PIK3C2G: variants seen among roughly 807,000 people sequenced by gnomAD.
The protein encoded by PIK3C2G is phosphatidylinositol-4-phosphate 3-kinase catalytic subunit type 2 gamma.
In PIK3C2G, 168 loss-of-function variants were observed where a neutral mutation model predicts 181.1. The observed-to-expected ratio is 0.93, with a 90% CI of 0.82 to 1.05. PIK3C2G has a LOEUF of 1.05. Among genes scored for constraint, PIK3C2G ranks in the 50% least tolerant of loss-of-function variants. The pLI is 0.00. For missense variants in PIK3C2G, 1,869 were observed against 1,732.8 expected (o/e 1.08, Z -1.40); for synonymous variants, 573 against 592.2 (o/e 0.97, Z 0.47).
intron 25 of PIK3C2G, among the ~76,000 whole-genome samples, chr12:18,543,994 ACTAT>A (rs748144878): frequency 1.4e-4 from 22 of 151,916 alleles, no homozygotes; most frequent in Non-Finnish European, 3.2e-4. Context: ...AGCAATACGT[ACTAT>A]GAAAGAAGTA....
rs763621293 is a variant in PIK3C2G at position 18,282,477 on chromosome 12, A to G, written c.396A>G (p.Lys132=). ...KECSWGSPIG[K]HHGADDSRFS... Reference sequence around the variant, plus strand: ...GCTCCTGGGGAAGCCCCATAGGAAAACATCATGGTGCTGATGATTCCAGAT... The same window carrying G: ...GCTCCTGGGGAAGCCCCATAGGAAAGCATCATGGTGCTGATGATTCCAGAT... Residue 132 remains lysine (K), a synonymous_variant, in exon 2 of 33, where the codon AAA becomes AAG. Coordinates refer to ENST00000538779, the MANE Select transcript of PIK3C2G (RefSeq NM_001288772.2). 6.2e-7 allele frequency: 1 copy of G among 1,613,158 alleles called. No homozygotes were observed. Among genetic ancestry groups the G allele is most frequent in the East Asian group, 2.2e-5 (1 of 44,850 alleles).
intron 1 of PIK3C2G, among the ~76,000 whole-genome samples, chr12:18,270,889 A>C (rs1253665531): frequency 6.6e-6 from 1 of 152,222 alleles, no homozygotes; most frequent in Non-Finnish European, 1.5e-5. Flanking sequence ...TTCTCATAAA[A>C]GCAAGAAGAG....
intron 18 of PIK3C2G, among the ~76,000 whole-genome samples, chr12:18,465,765 G>T (rs1483586934): frequency 6.6e-6 from 1 of 151,590 alleles, no homozygotes; most frequent in Non-Finnish European, 1.5e-5. Context: ...TATTTATTCT[G>T]CATGGAAGTT....
At chr12:18,493,813 C>T (rs1940786068) in intron 20 of PIK3C2G, 1 of 152,198 alleles carries the variant, frequency 6.6e-6, no homozygotes, top group African/African-American at 2.4e-5. Context: ...AGGCAAAGAG[C>T]AAGGGGCTCA....
chr12:18,708,902 G>A, the PIK3C2G span, among the ~76,000 whole-genome samples: 1 of 151,784 alleles, frequency 6.6e-6, no homozygotes, highest in African/African-American at 2.4e-5. Context: ...ATAAATTTTG[G>A]ATATTACTCC....
intron 29 of PIK3C2G, among the ~76,000 whole-genome samples, chr12:18,576,679 A>G (rs556971078): frequency 2.4e-3 from 359 of 152,342 alleles, no homozygotes; most frequent in Non-Finnish European, 3.9e-3. Context: ...TGTCTCAGTC[A>G]GTGGAGAATG....
rs375407166 is a variant in PIK3C2G at position 18,503,949 on chromosome 12, G to A, written c.3153+532G>A. Among the ~76,000 whole-genome samples the A allele has an allele frequency of 6.5e-4, 99 of 152,280 alleles. 2 individuals carry two copies. Among genetic ancestry groups the A allele is most frequent in the African/African-American group, 2.3e-3 (94 of 41,562 alleles). On this transcript the variant is annotated intron_variant, in intron 23 of 32. Transcript: ENST00000538779. ...TGTACAGTTGTGCAGGTTCTGCCCT[G>A]TATTAGGGATCTTGGCTAAGGAGAT...
At chr12:18,675,308 C>T in the PIK3C2G span, among the ~76,000 whole-genome samples, 1 of 152,152 alleles carries the variant, frequency 6.6e-6, no homozygotes, top group Non-Finnish European at 1.5e-5. Context: ...TTTCAAGCCA[C>T]TCTGTTTTGG....
At chr12:18,324,803 T>G (rs1951261588) in intron 7 of PIK3C2G, among the ~76,000 whole-genome samples, 1 of 152,240 alleles carries the variant, frequency 6.6e-6, no homozygotes, top group African/African-American at 2.4e-5. Flanking sequence ...TAATTTATCA[T>G]GAATTCTTTG....
intron 11 of PIK3C2G, among the ~76,000 whole-genome samples, chr12:18,360,237 A>G: frequency 6.6e-6 from 1 of 151,996 alleles, no homozygotes. Context: ...TTAACCTTTT[A>G]ACTAAAATTC....
intron 24 of PIK3C2G, among the ~76,000 whole-genome samples, chr12:18,526,150 A>T (rs1214613669): frequency 2.0e-5 from 3 of 152,322 alleles, no homozygotes; most frequent in East Asian, 1.9e-4. Flanking sequence ...TAACAAAAAA[A>T]CTCCCTTAAC....
chr12:18,480,766 A>AT (rs1294003485), intron 18 of PIK3C2G, among the ~76,000 whole-genome samples: 4 of 152,142 alleles, frequency 2.6e-5, no homozygotes, highest in Non-Finnish European at 5.9e-5. Context: ...TTAAAGGTGG[A>AT]TATAAATATG....
chr12:18,616,685 C>G (rs891596133), intron 31 of PIK3C2G, among the ~76,000 whole-genome samples: 1 of 152,048 alleles, frequency 6.6e-6, no homozygotes, highest in African/African-American at 2.4e-5. Flanking sequence ...AATCTCTGCC[C>G]TTTCTCTAAA....
chr12:18,581,727 G>A (rs1468616629), intron 29 of PIK3C2G, among the ~76,000 whole-genome samples: 2 of 152,190 alleles, frequency 1.3e-5, no homozygotes, highest in Non-Finnish European at 2.9e-5. Context: ...TCAAGTTTAG[G>A]GGGGAAGTTA....
At chr12:18,329,854 G>A (rs1937742950) in intron 8 of PIK3C2G, among the ~76,000 whole-genome samples, 1 of 151,998 alleles carries the variant, frequency 6.6e-6, no homozygotes, top group African/African-American at 2.4e-5. Flanking sequence ...AATTATAAGT[G>A]TTTGCCAACA....
chr12:18,488,658 T>A, intron 19 of PIK3C2G, 29 bp downstream of exon 19: 1 of 1,336,812 alleles, frequency 7.5e-7, no homozygotes, highest in Non-Finnish European at 9.9e-7. Context: ...ATTCAGGTAG[T>A]AATGTTTTTA....
intron 21 of PIK3C2G, 127 bp from the exon 22 acceptor site, chr12:18,497,492 C>A: frequency 1.7e-6 from 1 of 584,690 alleles, no homozygotes; most frequent in Non-Finnish European, 2.7e-6. Flanking sequence ...GCTAACAAAA[C>A]CATTAAAACC....
chr12:18,589,867 A>G, intron 29 of PIK3C2G, among the ~76,000 whole-genome samples: 1 of 151,952 alleles, frequency 6.6e-6, no homozygotes, highest in East Asian at 1.9e-4. Context: ...TACATTGATA[A>G]ATAGGTCAAA....
At chr12:18,394,171 A>G (rs1371508910) in intron 15 of PIK3C2G, among the ~76,000 whole-genome samples, 2 of 152,130 alleles carry the variant, frequency 1.3e-5, no homozygotes, top group African/African-American at 4.8e-5. Context: ...AAGAAACCAA[A>G]AAGATGCACA....
Sources: allele counts gnomAD v4.1 joint callset (sites outside exome capture counted in the v4.1 genomes callset), GRCh38; gene constraint gnomAD v4.1.1; transcripts MANE v1.5; gene names NCBI Gene and HGNC (gene_info 2026-07-23, HGNC 2026-07-21).